Variants in SEMG2 observed in about 807,000 individuals in gnomAD.
The protein encoded by SEMG2 is semenogelin-2.
In SEMG2, 3 loss-of-function variants were observed where a neutral mutation model predicts 8.1. That is an observed-to-expected ratio of 0.37 (90% confidence interval 0.17 to 0.96). The LOEUF is 0.96. Among genes scored for constraint, SEMG2 ranks in the 40% least tolerant of loss-of-function variants. The probability of loss-of-function intolerance (pLI) is 0.41; values close to 1 mark genes in which losing one functional copy is unlikely to be tolerated. For synonymous variants in SEMG2, 252 were observed against 231.4 expected (o/e 1.09, Z -0.81); for missense variants, 726 against 671.2 (o/e 1.08, Z -0.90).
chr20:45,221,531 G>T lies in SEMG2; in HGVS notation c.76+66G>T. 4 of 1,564,756 alleles carry T rather than the reference G, an allele frequency of 2.6e-6. No homozygotes were observed. In the South Asian group the frequency reaches 3.4e-5, roughly 13 times the overall value. On this transcript the variant is annotated intron_variant, in intron 1 of 2. Coordinates refer to ENST00000372769, the MANE Select transcript of SEMG2 (RefSeq NM_003008.3). ...AAAATGGCCTCTAAGGATATTCAGG[G>T]TGCAAACAGTAACCTGTTCAGGCAC...
At position 45,223,080 on chromosome 20, in the gene SEMG2, A is replaced by G. The variant is rs781208234; in HGVS notation, c.1448A>G (p.Lys483Arg). 4 of 1,614,220 alleles carry G rather than the reference A, an allele frequency of 2.5e-6. No homozygotes were observed. In the Admixed American group the frequency reaches 5.0e-5, roughly 20 times the overall value. ...TEERRLNYGG[K>R]STQKDVSQSS... ...GAAAGACGACTCAACTATGGAGGAA[A>G]GAGCACGCAGAAAGATGTATCCCAA... Residue 483 changes from lysine to arginine, a missense_variant, in exon 2 of 3, where the codon AAG becomes AGG. Coordinates refer to ENST00000372769, the MANE Select transcript of SEMG2 (RefSeq NM_003008.3).
chr20:45,222,423 A>G lies in SEMG2; in HGVS notation c.791A>G (p.Asn264Ser). ...FTTQDELLVY[N>S]KNQHQTKNLS... ...ACCCAAGATGAGCTCCTAGTATATA[A>G]CAAGAATCAACACCAGACAAAAAAT... The change falls in exon 2 of 3, where the codon AAC (asparagine) becomes AGC (serine). Residue 264 changes from asparagine to serine, a missense_variant. By Grantham distance (46) the Asn-to-Ser change is conservative. Coordinates refer to ENST00000372769, the MANE Select transcript of SEMG2 (RefSeq NM_003008.3). The G allele has an allele frequency of 1.9e-6, 3 of 1,614,144 alleles. No individual in the cohort carries two copies. The highest frequency in any genetic ancestry group is 1.7e-6 in the Non-Finnish European group (2 of 1,180,016).
rs780824021 is a variant in SEMG2, at chr20:45,222,710, T to G, written c.1078T>G (p.Cys360Gly). 1 of 1,605,500 alleles carries G rather than the reference T, an allele frequency of 6.2e-7. No individual in the cohort carries two copies. The highest frequency in any genetic ancestry group is 8.5e-7 in the Non-Finnish European group (1 of 1,177,486). The change falls in exon 2 of 3, where the codon TGT becomes GGT. Residue 360 changes from cysteine (C) to glycine (G), a missense_variant. Coordinates refer to ENST00000372769, the MANE Select transcript of SEMG2 (RefSeq NM_003008.3). Reference sequence around the variant, plus strand: ...AAGTACAGAAGAAAGACATCTCAACTGTGGAGAAAAGGGCATCCAGAAAGG... The same window carrying G: ...AAGTACAGAAGAAAGACATCTCAACGGTGGAGAAAAGGGCATCCAGAAAGG... ...SSSTEERHLN[C>G]GEKGIQKGVS...
At position 45,223,145 on chromosome 20, in the gene SEMG2, A is replaced by G; in HGVS notation, c.1513A>G (p.Lys505Glu). The change falls in exon 2 of 3, where the codon AAG becomes GAG. Residue 505 changes from lysine (K) to glutamate (E), a missense_variant. Physicochemically the swap from Lys to Glu is moderately conservative, Grantham distance 56. Coordinates refer to ENST00000372769, the MANE Select transcript of SEMG2 (RefSeq NM_003008.3). Reference protein sequence around the residue: ...SFQIEKLVEGKSQIQTPNPNQ... With the variant: ...SFQIEKLVEGESQIQTPNPNQ... The stretch of plus-strand genomic sequence containing the variant: ...CCAAATTGAAAAGCTAGTAGAAGGC[A>G]AGTCTCAAATCCAGACACCAAATCC... 1 of 1,614,042 alleles carries G rather than the reference A, an allele frequency of 6.2e-7. No homozygotes were observed. Among genetic ancestry groups the G allele is most frequent in the Non-Finnish European group, 8.5e-7 (1 of 1,179,948 alleles).
Position 45,221,949 on chromosome 20 carries a change from T to A in SEMG2, c.317T>A (p.Leu106Gln). ...SKQHLGGSQQ[L>Q]LNYKQEGRDH... ...CAACACCTAGGTGGAAGTCAACAACTGCTCAATTATAAACAAGAAGGCAGA... is the reference window on the plus strand; with the variant it reads ...CAACACCTAGGTGGAAGTCAACAACAGCTCAATTATAAACAAGAAGGCAGA... Residue 106 changes from leucine (L) to glutamine (Q), a missense_variant, in exon 2 of 3, where the codon CTG becomes CAG. Transcript: ENST00000372769. 1 of 1,613,408 alleles carries A rather than the reference T, an allele frequency of 6.2e-7. No individual in the cohort carries two copies.
rs1489459753 is a variant in SEMG2 at position 45,222,709 on chromosome 20, C to T, written c.1077C>T (p.Asn359=). ...QSSSTEERHL[N]CGEKGIQKGV... is the part of the protein sequence containing the mutation. Reference sequence around the variant, plus strand: ...CAAGTACAGAAGAAAGACATCTCAACTGTGGAGAAAAGGGCATCCAGAAAG... The same window carrying T: ...CAAGTACAGAAGAAAGACATCTCAATTGTGGAGAAAAGGGCATCCAGAAAG... Residue 359 remains asparagine, a synonymous_variant, in exon 2 of 3, where the codon AAC becomes AAT. Transcript: ENST00000372769. The T allele has an allele frequency of 1.9e-6, 3 of 1,612,816 alleles. No individual in the cohort carries two copies. Among genetic ancestry groups the T allele is most frequent in the African/African-American group, 1.3e-5 (1 of 74,524 alleles).
rs1984072305 is a variant in SEMG2 at position 45,223,360 on chromosome 20, C to A, written c.1728C>A (p.Asp576Glu). 6.2e-7 allele frequency: 1 copy of A among 1,612,022 alleles called. No individual in the cohort carries two copies. Among genetic ancestry groups the A allele is most frequent in the African/African-American group, 1.3e-5 (1 of 74,874 alleles). ...DDHLTQQYNE[D>E]RNPIST is the part of the protein sequence containing the mutation. Reference sequence around the variant, plus strand: ...ATTTGACACAACAATATAATGAAGACAGAAATCCAATATCTACATAGCCCT... The same window carrying A: ...ATTTGACACAACAATATAATGAAGAAAGAAATCCAATATCTACATAGCCCT... Residue 576 changes from aspartate (D) to glutamate (E), a missense_variant, in exon 2 of 3, where the codon GAC becomes GAA. Transcript: ENST00000372769.
chr20:45,221,749 T>C lies in SEMG2; in HGVS notation c.117T>C (p.Phe39=). The change falls in exon 2 of 3, where the codon TTT becomes TTC. Residue 39 remains phenylalanine, a synonymous_variant. Coordinates refer to ENST00000372769, the MANE Select transcript of SEMG2 (RefSeq NM_003008.3). ...AATTGCCAAGCGGATCTTCCCAATT[T>C]CCACATGGACAAAAGGGCCAGCACT... The part of the protein sequence containing the change: ...KGQLPSGSSQ[F]PHGQKGQHYF... The C allele has an allele frequency of 6.2e-7, 1 of 1,610,484 alleles. No individual in the cohort carries two copies.
chr20:45,224,211 G>T (rs1984089452), intron 2 of SEMG2, 80 bp from the exon 3 acceptor site: 1 of 152,462 alleles, frequency 6.6e-6, no homozygotes, highest in Non-Finnish European at 1.5e-5. Flanking sequence ...GACGCTAAAG[G>T]GGACAGGGGT....
At position 45,221,804 on chromosome 20, in the gene SEMG2, A is replaced by G. The variant is rs183488917; in HGVS notation, c.172A>G (p.Lys58Glu). ...TGGACAAAAAGACCAACAACATACT[A>G]AATCCAAAGGCAGTTTTTCTATTCA... Reference protein sequence around the residue: ...YFGQKDQQHTKSKGSFSIQHT... With the variant: ...YFGQKDQQHTESKGSFSIQHT... The change falls in exon 2 of 3, where the codon AAA (lysine) becomes GAA (glutamate). Residue 58 changes from lysine to glutamate, a missense_variant. By Grantham distance (56) the Lys-to-Glu change is moderately conservative (BLOSUM62 1). Coordinates refer to ENST00000372769, the MANE Select transcript of SEMG2 (RefSeq NM_003008.3). 9.9e-6 allele frequency: 16 copies of G among 1,614,194 alleles called. No individual in the cohort carries two copies. In the East Asian group the frequency reaches 1.6e-4, roughly 16 times the overall value.
chr20:45,222,210 G>A lies in SEMG2; in HGVS notation c.578G>A (p.Ser193Asn), dbSNP rs757235919. Residue 193 changes from serine to asparagine, a missense_variant, in exon 2 of 3, where the codon AGT becomes AAT. Transcript: ENST00000372769. The stretch of plus-strand genomic sequence containing the variant: ...AGAACACAAGGTGGATCCCAAAGCA[G>A]TTATGTTCTCCAAACTGAAGAACTA... Reference protein sequence around the residue: ...KGRTQGGSQSSYVLQTEELVV... With the variant: ...KGRTQGGSQSNYVLQTEELVV... 6.2e-7 allele frequency: 1 copy of A among 1,614,150 alleles called. No individual in the cohort carries two copies. The highest frequency in any genetic ancestry group is 1.1e-5 in the South Asian group (1 of 91,078).
rs117901984 is a variant in SEMG2, at chr20:45,222,999, A to T, written c.1367A>T (p.Asp456Val). 6.2e-7 allele frequency: 1 copy of T among 1,614,056 alleles called. No homozygotes were observed. The highest frequency in any genetic ancestry group is 1.1e-5 in the South Asian group (1 of 91,064). The change falls in exon 2 of 3, where the codon GAT (aspartate) becomes GTT (valine). Residue 456 changes from aspartate (D) to valine (V), a missense_variant. Physicochemically the swap from Asp to Val is radical, Grantham distance 152. Transcript: ENST00000372769. ...SQNQVTIPSQ[D>V]QEHGHKENKM... Reference sequence around the variant, plus strand: ...AACCAGGTAACAATTCCTAGTCAAGATCAAGAGCATGGCCATAAGGAAAAT... The same window carrying T: ...AACCAGGTAACAATTCCTAGTCAAGTTCAAGAGCATGGCCATAAGGAAAAT...
rs368513832 is a variant in SEMG2, at chr20:45,222,308, G to C, written c.676G>C (p.Val226Leu). The change falls in exon 2 of 3, where the codon GTG becomes CTG. Residue 226 changes from valine (V) to leucine (L), a missense_variant. By Grantham distance (32) the Val-to-Leu change is conservative (BLOSUM62 1). Transcript: ENST00000372769. ...AGGGCATTACCAAAATGTGGTTGAC[G>C]TGAGAGAGGAACATTCAAGTAAACT... Reference protein sequence around the residue: ...NKGHYQNVVDVREEHSSKLQT... With the variant: ...NKGHYQNVVDLREEHSSKLQT... 6.2e-7 allele frequency: 1 copy of C among 1,614,110 alleles called. No homozygotes were observed. Among genetic ancestry groups the C allele is most frequent in the South Asian group, 1.1e-5 (1 of 91,050 alleles).
In SEMG2 at chr20:45,221,963, CAAG is replaced by C. The variant is rs776587049; in HGVS notation, c.335_337del (p.Glu112del). On this transcript the variant is annotated inframe_deletion, in exon 2 of 3. Coordinates refer to ENST00000372769, the MANE Select transcript of SEMG2 (RefSeq NM_003008.3). ...AAGTCAACAACTGCTCAATTATAAA[CAAG>C]AAGGCAGAGACCATGATAAATCAAA... The C allele has an allele frequency of 6.2e-7, 1 of 1,613,728 alleles. No individual in the cohort carries two copies. Among genetic ancestry groups the C allele is most frequent in the South Asian group, 1.1e-5 (1 of 90,904 alleles).
At chr20:45,223,461 C>T (rs1984074909) in intron 2 of SEMG2, 36 bp downstream of exon 2, 1 of 970,086 alleles carries the variant, frequency 1.0e-6, no homozygotes, top group Non-Finnish European at 1.5e-6. Flanking sequence ...GGAGAGGTGC[C>T]TGTCCCAAAG....
In SEMG2 at chr20:45,223,264, C is replaced by A. The variant is rs1984069373; in HGVS notation, c.1632C>A (p.Gly544=). The change falls in exon 2 of 3, where the codon GGC becomes GGA. Residue 544 remains glycine (G), a synonymous_variant. Transcript: ENST00000372769. The part of the protein sequence containing the change: ...KQDLLSHEQK[G]RYKQESSESH... ...ACCTACTCAGTCATGAACAAAAAGG[C>A]AGATACAAACAGGAATCCAGTGAGT... The A allele has an allele frequency of 6.2e-7, 1 of 1,613,910 alleles. No individual in the cohort carries two copies. Among genetic ancestry groups the A allele is most frequent in the Admixed American group, 1.7e-5 (1 of 59,998 alleles).
intron 1 of SEMG2, 36 bp from the exon 2 acceptor site, chr20:45,221,673 A>G: frequency 6.6e-7 from 1 of 1,521,672 alleles, no homozygotes; most frequent in African/African-American, 1.4e-5. Context: ...AGCTTTGGAG[A>G]TAATGAATGC....
chr20:45,221,899 C>T lies in SEMG2; in HGVS notation c.267C>T (p.Ala89=). Residue 89 remains alanine, a synonymous_variant, in exon 2 of 3, where the codon GCC becomes GCT. Coordinates refer to ENST00000372769, the MANE Select transcript of SEMG2 (RefSeq NM_003008.3). The part of the protein sequence containing the change: ...TRKSQQYDLN[A]LHKATKSKQH... ...AAAGTCAGCAATATGATTTGAATGC[C>T]CTACATAAGGCGACAAAATCAAAAC... is the stretch of plus-strand genomic sequence containing the variant. 3.7e-6 allele frequency: 6 copies of T among 1,613,798 alleles called. No individual in the cohort carries two copies. Among genetic ancestry groups the T allele is most frequent in the South Asian group, 2.2e-5 (2 of 90,928 alleles).
Position 45,223,147 on chromosome 20 carries a change from G to A in SEMG2, c.1515G>A (p.Lys505=), listed in dbSNP as rs762938762. 6.2e-7 allele frequency: 1 copy of A among 1,613,982 alleles called. No homozygotes were observed. Among genetic ancestry groups the A allele is most frequent in the South Asian group, 1.1e-5 (1 of 91,044 alleles). Residue 505 remains lysine, a synonymous_variant, in exon 2 of 3, where the codon AAG becomes AAA. Transcript: ENST00000372769. ...AAATTGAAAAGCTAGTAGAAGGCAA[G>A]TCTCAAATCCAGACACCAAATCCTA... The part of the protein sequence containing the change: ...SFQIEKLVEG[K]SQIQTPNPNQ...
Sources: allele counts gnomAD v4.1 joint callset, GRCh38; gene constraint gnomAD v4.1.1; transcripts MANE v1.5; gene names NCBI Gene and HGNC (gene_info 2026-07-23, HGNC 2026-07-21).